Variants in CSMD1 observed in about 807,000 individuals in gnomAD.
The protein encoded by CSMD1 is CUB and sushi domain-containing protein 1.
Under a neutral mutation model 417.5 loss-of-function variants are expected in CSMD1, and 213 were observed. That is an observed-to-expected ratio of 0.51 (90% CI 0.46 to 0.57). The LOEUF (loss-of-function observed/expected upper bound fraction) is 0.57. Among genes scored for constraint, CSMD1 ranks in the 20% least tolerant of loss-of-function variants. The probability of loss-of-function intolerance (pLI) is 0.00; values close to 1 mark genes in which losing one functional copy is unlikely to be tolerated. For synonymous variants in CSMD1, 2,862 were observed against 1,736.8 expected (o/e 1.65, Z -16.11); for missense variants, 6,923 against 4,529.7 (o/e 1.53, Z -15.17).
chr8:4,343,609 C>A (rs567526752), intron 3 of CSMD1, among the ~76,000 whole-genome samples: 25 of 152,088 alleles, frequency 1.6e-4, no homozygotes, highest in African/African-American at 5.8e-4. Flanking sequence ...AGAAACTAAC[C>A]CAAAAAGCAG....
At chr8:3,178,484 A>C (rs553914484) in intron 37 of CSMD1, among the ~76,000 whole-genome samples, 8 of 152,202 alleles carry the variant, frequency 5.3e-5, no homozygotes, top group African/African-American at 1.9e-4. Flanking sequence ...CTGGTAGGGT[A>C]GTCTGGATAC....
At chr8:3,191,722 T>C (rs1202620605) in intron 33 of CSMD1, among the ~76,000 whole-genome samples, 2 of 152,180 alleles carry the variant, frequency 1.3e-5, no homozygotes. Context: ...GAATGTGGGA[T>C]AAAGATTAAA....
intron 5 of CSMD1, among the ~76,000 whole-genome samples, chr8:3,850,502 T>A (rs1377542499): frequency 6.6e-6 from 1 of 152,064 alleles, no homozygotes; most frequent in African/African-American, 2.4e-5. Context: ...CAAGACCGGC[T>A]TGGCCAACAT....
intron 5 of CSMD1, among the ~76,000 whole-genome samples, chr8:3,907,118 A>G (rs1808166927): frequency 6.6e-6 from 1 of 152,180 alleles, no homozygotes; most frequent in Non-Finnish European, 1.5e-5. Context: ...TCGGCTTCCC[A>G]CTATTCATAA....
intron 3 of CSMD1, among the ~76,000 whole-genome samples, chr8:4,131,883 C>G (rs756375389): frequency 1.1e-4 from 17 of 148,148 alleles, no homozygotes; most frequent in Non-Finnish European, 2.4e-4. Context: ...CTGCCTTAGT[C>G]TCCCATGTAG....
chr8:3,089,385 G>T (rs113899733), intron 48 of CSMD1, among the ~76,000 whole-genome samples: 1 of 152,222 alleles, frequency 6.6e-6, no homozygotes, highest in Non-Finnish European at 1.5e-5. Context: ...TTCAGCCTGC[G>T]CTTAGCACAG....
At chr8:3,745,611 C>G (rs1584936354) in intron 6 of CSMD1, among the ~76,000 whole-genome samples, 1 of 152,184 alleles carries the variant, frequency 6.6e-6, no homozygotes, top group Non-Finnish European at 1.5e-5. Flanking sequence ...TGGATTCATT[C>G]TGAGCACTCC....
chr8:4,560,857 T>G (rs562771429), intron 2 of CSMD1, among the ~76,000 whole-genome samples: 2 of 152,210 alleles, frequency 1.3e-5, no homozygotes, highest in East Asian at 3.8e-4. Flanking sequence ...AGCAAATCTC[T>G]TGGACATCAA....
At chr8:4,926,438 T>C (rs1341413474) in intron 1 of CSMD1, among the ~76,000 whole-genome samples, 1 of 152,226 alleles carries the variant, frequency 6.6e-6, no homozygotes, top group Non-Finnish European at 1.5e-5. Flanking sequence ...CACTTAATAC[T>C]GGCGCTTGCA....
chr8:4,521,484 A>G (rs192949967), intron 2 of CSMD1, among the ~76,000 whole-genome samples: 2 of 152,360 alleles, frequency 1.3e-5, no homozygotes, highest in Non-Finnish European at 2.9e-5. Flanking sequence ...GCATTTATAT[A>G]AGAAAATTCT....
intron 12 of CSMD1, among the ~76,000 whole-genome samples, chr8:3,453,694 T>A (rs1165809881): frequency 2.0e-5 from 3 of 152,234 alleles, no homozygotes; most frequent in African/African-American, 7.2e-5. Flanking sequence ...TTATAATTTC[T>A]GTACTTTTAC....
At chr8:3,259,572 G>T (rs1563196540) in intron 26 of CSMD1, among the ~76,000 whole-genome samples, 1 of 152,176 alleles carries the variant, frequency 6.6e-6, no homozygotes, top group Non-Finnish European at 1.5e-5. Context: ...CCATTACAAT[G>T]ATTAGTTGTT....
rs146347542 is a variant in CSMD1 at position 3,245,607 on chromosome 8, G to A, written c.4154-15376C>T. On this transcript the variant is annotated intron_variant, in intron 26 of 69. Coordinates refer to ENST00000635120, the MANE Select transcript of CSMD1 (RefSeq NM_033225.6). ...TAGCGCCCATGCCTACCCCTTCCAG[G>A]AAAGGACAGGAGCCTAAATCTTCCG... 1.9e-3 allele frequency among the ~76,000 whole-genome samples: 288 copies of A among 152,280 alleles called. 2 individuals are homozygous for A. Among genetic ancestry groups the A allele is most frequent in the Middle Eastern group, 0.014 (4 of 294 alleles).
intron 10 of CSMD1, among the ~76,000 whole-genome samples, chr8:3,496,994 C>A (rs750839301): frequency 5.3e-5 from 8 of 152,088 alleles, no homozygotes; most frequent in East Asian, 1.9e-4. Flanking sequence ...CTGTTACAGT[C>A]AAAAAATATA....
chr8:3,868,166 C>G (rs917391627), intron 5 of CSMD1, among the ~76,000 whole-genome samples: 12 of 152,226 alleles, frequency 7.9e-5, no homozygotes, highest in African/African-American at 2.6e-4. Context: ...CCACTCCACT[C>G]TGCTGAACCA....
intron 5 of CSMD1, among the ~76,000 whole-genome samples, chr8:3,769,254 T>A (rs998108716): frequency 3.3e-5 from 5 of 152,216 alleles, no homozygotes; most frequent in African/African-American, 1.2e-4. Context: ...TCACCATGAT[T>A]CTTCCATATA....
chr8:3,839,858 G>A (rs573020434), intron 5 of CSMD1, among the ~76,000 whole-genome samples: 3 of 151,776 alleles, frequency 2.0e-5, no homozygotes, highest in Non-Finnish European at 2.9e-5. Flanking sequence ...CCTCTTCTAC[G>A]GGCGGCAGTT....
intron 49 of CSMD1, among the ~76,000 whole-genome samples, chr8:3,086,524 TGATAA>T (rs1814545654): frequency 6.6e-6 from 1 of 152,116 alleles, no homozygotes; most frequent in African/African-American, 2.4e-5. Flanking sequence ...ATATAAACCT[TGATAA>T]GATAAAACTA....
chr8:4,831,556 G>T (rs1800148369), intron 1 of CSMD1, among the ~76,000 whole-genome samples: 1 of 152,002 alleles, frequency 6.6e-6, no homozygotes, highest in African/African-American at 2.4e-5. Flanking sequence ...GTCTCCAAGG[G>T]TTTAAGGAAC....
Sources: gnomAD v4.1 joint callset for allele counts (sites outside exome capture counted in the v4.1 genomes callset) on GRCh38, gnomAD v4.1.1 for gene constraint, MANE v1.5 for transcripts, NCBI Gene and HGNC (gene_info 2026-07-23, HGNC 2026-07-21) for gene names.